The following AAK1 variants were observed in gnomAD, a reference collection of about 807,000 sequenced individuals.
The protein encoded by AAK1 is AP2 associated kinase 1, also known as AP2-associated protein kinase 1.
A neutral mutation model predicts 116.0 loss-of-function variants in AAK1; 37 were observed. The observed-to-expected ratio is 0.32, with a 90% CI of 0.25 to 0.42. The LOEUF is 0.42. AAK1 is among the 10% of genes least tolerant of loss of function. The probability of loss-of-function intolerance (pLI) is 1.00; values close to 1 mark genes in which losing one functional copy is unlikely to be tolerated. For missense variants in AAK1, 919 were observed against 1,170.6 expected (o/e 0.79, Z 3.14); for synonymous variants, 458 against 439.9 (o/e 1.04, Z -0.51).
intron 2 of AAK1, among the ~76,000 whole-genome samples, chr2:69,622,996 G>A (rs766182421): frequency 3.9e-5 from 6 of 152,034 alleles, no homozygotes; most frequent in Non-Finnish European, 7.4e-5. Context: ...ATAAAAGCAG[G>A]CTGCCAGAGA....
Position 69,465,719 on chromosome 2 carries a change from A to G in AAK1, c.*10150T>C. 1 of 1,290,920 alleles carries G rather than the reference A, an allele frequency of 7.7e-7. No homozygotes were observed. Among genetic ancestry groups the G allele is most frequent in the Non-Finnish European group, 1.0e-6 (1 of 988,888 alleles). 80.0% of individuals were successfully genotyped at this position (1,290,920 alleles called of 1,614,324 possible). On this transcript the variant is annotated 3_prime_UTR_variant, in exon 22 of 22. Transcript: ENST00000409085. ...GCTGAGGTCCTTTGTTTCTGTCATT[A>G]GAATGACCCCCAGATTCCAGGCAGG...
chr2:69,592,315 G>A (rs1411747289), intron 2 of AAK1, among the ~76,000 whole-genome samples: 3 of 152,154 alleles, frequency 2.0e-5, no homozygotes, highest in East Asian at 1.9e-4. Context: ...AGGGCAACTG[G>A]CAATATCTGG....
chr2:69,467,509 C>G lies in AAK1; in HGVS notation c.*8360G>C. 1 of 985,322 alleles carries G rather than the reference C, an allele frequency of 1.0e-6. No homozygotes were observed. Among genetic ancestry groups the G allele is most frequent in the Non-Finnish European group, 1.2e-6 (1 of 829,922 alleles). 61.0% of individuals were successfully genotyped at this position (985,322 alleles called of 1,614,324 possible). A position where few individuals can be genotyped will look rare whatever the true frequency, so the allele number is the denominator to read the frequency against. ...GCATATGTAACTAAGCAAGAAGAAT[C>G]CAGAGAAAGGGTGGTTGGGGGTAAA... On this transcript the variant is annotated 3_prime_UTR_variant, in exon 22 of 22. Transcript: ENST00000409085.
Position 69,643,254 on chromosome 2 carries a change from G to C in AAK1, c.-214C>G, listed in dbSNP as rs1277562252. On this transcript the variant is annotated 5_prime_UTR_variant, in exon 2 of 22. Transcript: ENST00000409085. ...AGCGGGTCCCCTCCTCCTCCAGAAA[G>C]CGATTCGTGTAAGTTTAAACCTGTG... The C allele has an allele frequency of 1.4e-6, 2 of 1,410,234 alleles. No homozygotes were observed. The highest frequency in any genetic ancestry group is 2.9e-5 in the African/African-American group (2 of 68,936). 87.4% of individuals were successfully genotyped at this position (1,410,234 alleles called of 1,614,324 possible). A position where few individuals can be genotyped will look rare whatever the true frequency, so the allele number is the denominator to read the frequency against.
chr2:69,553,580 A>G (rs1671271560), intron 3 of AAK1, among the ~76,000 whole-genome samples: 1 of 149,986 alleles, frequency 6.7e-6, no homozygotes, highest in East Asian at 2.0e-4. Context: ...AATAGCTGGG[A>G]TTACAGGCAC....
chr2:69,554,991 AGTGT>A (rs1371185682), intron 3 of AAK1, among the ~76,000 whole-genome samples: 1 of 152,208 alleles, frequency 6.6e-6, no homozygotes, highest in Non-Finnish European at 1.5e-5. Context: ...GTAAGCTCTC[AGTGT>A]GTTTTTAAAT....
At chr2:69,587,800 CAG>C (rs1254515692) in intron 2 of AAK1, among the ~76,000 whole-genome samples, 1 of 151,926 alleles carries the variant, frequency 6.6e-6, no homozygotes, top group Non-Finnish European at 1.5e-5. Context: ...TTTGTAGAGA[CAG>C]AGTTTTACTA....
chr2:69,539,958 T>C (rs1435560578), intron 5 of AAK1, among the ~76,000 whole-genome samples: 46 of 152,194 alleles, frequency 3.0e-4, no homozygotes, highest in Admixed American at 3.0e-3. Context: ...CTATTTCTGT[T>C]TCAAGTCTAA....
At chr2:69,554,980 A>G (rs894459466) in intron 3 of AAK1, among the ~76,000 whole-genome samples, 2 of 152,224 alleles carry the variant, frequency 1.3e-5, no homozygotes, top group African/African-American at 4.8e-5. Context: ...GCCTAGCCCA[A>G]GTAAGCTCTC....
chr2:69,511,622 C>T (rs1229300344), intron 13 of AAK1, among the ~76,000 whole-genome samples: 2 of 152,162 alleles, frequency 1.3e-5, no homozygotes, highest in Non-Finnish European at 2.9e-5. Context: ...GAAAAGAATA[C>T]TAAACTGTTG....
At chr2:69,537,317 C>A (rs1440614028) in intron 5 of AAK1, among the ~76,000 whole-genome samples, 1 of 152,234 alleles carries the variant, frequency 6.6e-6, no homozygotes, top group Non-Finnish European at 1.5e-5. Flanking sequence ...ATTTTTAGAA[C>A]ATAAGCTGCT....
intron 21 of AAK1, 72 bp downstream of exon 21, chr2:69,476,808 C>T: frequency 9.7e-7 from 1 of 1,025,890 alleles, no homozygotes; most frequent in Admixed American, 2.2e-5. Flanking sequence ...TTCCCCCTTG[C>T]AGATTAGGTG....
intron 5 of AAK1, among the ~76,000 whole-genome samples, chr2:69,536,257 T>C (rs1448676349): frequency 6.6e-6 from 1 of 152,138 alleles, no homozygotes; most frequent in East Asian, 1.9e-4. Flanking sequence ...GACAGCAGAC[T>C]GAGGAAGGGC....
chr2:69,528,756 A>G (rs1167497032), intron 8 of AAK1, among the ~76,000 whole-genome samples: 2 of 152,200 alleles, frequency 1.3e-5, no homozygotes, highest in Non-Finnish European at 2.9e-5. Flanking sequence ...AGTTTGGGAA[A>G]GATGTCCATG....
At chr2:69,616,091 T>C (rs1674316288) in intron 2 of AAK1, among the ~76,000 whole-genome samples, 1 of 152,172 alleles carries the variant, frequency 6.6e-6, no homozygotes, top group Non-Finnish European at 1.5e-5. Flanking sequence ...GATTAGTGGG[T>C]ACCACTTTCC....
At chr2:69,541,528 G>A (rs1009130537) in intron 5 of AAK1, among the ~76,000 whole-genome samples, 2 of 152,070 alleles carry the variant, frequency 1.3e-5, no homozygotes, top group African/African-American at 4.8e-5. Flanking sequence ...CACCACGCCT[G>A]GCCTGAATTA....
Position 69,605,524 on chromosome 2 carries a change from A to T in AAK1, c.163+37354T>A, listed in dbSNP as rs902250072. Among the ~76,000 whole-genome samples, 22 of 152,274 alleles carry T rather than the reference A, an allele frequency of 1.4e-4. No individual in the cohort carries two copies. In the East Asian group the frequency reaches 2.5e-3, roughly 17 times the overall value. On this transcript the variant is annotated intron_variant, in intron 2 of 21. Transcript: ENST00000409085. ...CGTACCCTTCATCCAGTTTCCCCCA[A>T]TGGTGACATCTGACATAACTATGGT...
chr2:69,544,446 G>A lies in AAK1; in HGVS notation c.381C>T (p.Asp127=), dbSNP rs778969773. ...GGTTCATATACATACCTCTACAAAA[G>A]TCCATCAGAATGAGCACTTCCCATA... ...GDVWEVLILM[D]FCRGGQVVNL... Residue 127 remains aspartate (D), a synonymous_variant, in exon 4 of 22, where the codon GAC becomes GAT. Coordinates refer to ENST00000409085, the MANE Select transcript of AAK1 (RefSeq NM_014911.5). 6.2e-7 allele frequency: 1 copy of A among 1,610,638 alleles called. No individual in the cohort carries two copies. Among genetic ancestry groups the A allele is most frequent in the South Asian group, 1.1e-5 (1 of 90,996 alleles).
chr2:69,572,734 T>C (rs1048522393), intron 2 of AAK1, among the ~76,000 whole-genome samples: 9 of 151,730 alleles, frequency 5.9e-5, no homozygotes, highest in African/African-American at 1.2e-4. Flanking sequence ...GTCCTGGCTG[T>C]GTGAAAATGC....
Sources: gnomAD v4.1 joint callset for allele counts (sites outside exome capture counted in the v4.1 genomes callset) on GRCh38, gnomAD v4.1.1 for gene constraint, MANE v1.5 for transcripts, NCBI Gene and HGNC (gene_info 2026-07-23, HGNC 2026-07-21) for gene names.